The following KRIT1 variants were observed in gnomAD, a reference collection of about 807,000 sequenced individuals.
KRIT1 encodes the protein KRIT1 ankyrin repeat containing.
A neutral mutation model predicts 95.8 loss-of-function variants in KRIT1; 45 were observed. The observed-to-expected ratio is 0.47, with a 90% CI of 0.37 to 0.60. The LOEUF is 0.60. Among genes scored for constraint, KRIT1 ranks in the 20% least tolerant of loss-of-function variants. The pLI, the probability that KRIT1 is intolerant of heterozygous loss-of-function variation, is 0.00. For missense variants in KRIT1, 788 were observed against 877.5 expected, an observed-to-expected ratio of 0.90 and a Z score of 1.29; for synonymous variants, 282 against 278.8, an observed-to-expected ratio of 1.01 and a Z score of -0.11.
chr7:92,214,728 T>G lies in KRIT1; in HGVS notation c.1613A>C (p.Asn538Thr), dbSNP rs1193428749. 6.2e-7 allele frequency: 1 copy of G among 1,607,882 alleles called. No homozygotes were observed. Among genetic ancestry groups the G allele is most frequent in the East Asian group, 2.2e-5 (1 of 44,768 alleles). Reference sequence around the variant, plus strand: ...AGCTGTATAAAAGCCCTTCAATAAATTATATCTGGCTTCATCAAAGAGAAT... The same window carrying G: ...AGCTGTATAAAAGCCCTTCAATAAAGTATATCTGGCTTCATCAAAGAGAAT... ...ILILFDEARYNLLKGFYTAPD... is the reference protein window; with the variant it reads ...ILILFDEARYTLLKGFYTAPD... The change falls in exon 15 of 19, where the codon AAT becomes ACT. Residue 538 changes from asparagine to threonine, a missense_variant. By Grantham distance (65) the Asn-to-Thr change is moderately conservative. This residue lies in a region of KRIT1 where 493 missense variants were observed against 582.3 expected (regional missense o/e 0.85). Transcript: ENST00000394505.
rs771579206 is a variant in KRIT1, at chr7:92,241,037, A to G, written c.218T>C (p.Val73Ala). The G allele has an allele frequency of 5.0e-6, 8 of 1,613,010 alleles. 1 individual carries two copies. The South Asian group carries it at 8.8e-5, about 18-fold the overall frequency. Residue 73 changes from valine to alanine, a missense_variant, in exon 5 of 19, where the codon GTA becomes GCA. Val to Ala is a moderately conservative substitution (Grantham distance 64). This residue lies in a region of KRIT1 where 289 missense variants were observed against 277.5 expected (regional missense o/e 1.04). Transcript: ENST00000394505. ...AGGAGAAATTGGTTTGGTGGTTTCTACTACGTAATCCAATATGCCTTGTGT... is the reference window on the plus strand; with the variant it reads ...AGGAGAAATTGGTTTGGTGGTTTCTGCTACGTAATCCAATATGCCTTGTGT... The part of the protein sequence containing the change: ...EITQGILDYV[V>A]ETTKPISPAN...
At chr7:92,224,469 T>C (rs1165223683) in intron 12 of KRIT1, among the ~76,000 whole-genome samples, 45 of 152,092 alleles carry the variant, frequency 3.0e-4, no homozygotes, top group Non-Finnish European at 1.6e-4. Flanking sequence ...AGACCCTGTC[T>C]CATAAAAATA....
chr7:92,241,105 C>A lies in KRIT1; in HGVS notation c.150G>T (p.Lys50Asn). The change falls in exon 5 of 19, where the codon AAG becomes AAT. Residue 50 changes from lysine (K) to asparagine (N), a missense_variant. By Grantham distance (94) the Lys-to-Asn change is moderately conservative. This residue lies in a region of KRIT1 where 289 missense variants were observed against 277.5 expected (regional missense o/e 1.04). Transcript: ENST00000394505. ...VPIEGQKKKR[K>N]KVLLETKLQG... The stretch of plus-strand genomic sequence containing the variant: ...GAAGTTTCGTTTCCAATAAAACTTT[C>A]TTTCTCTTTTTTTTCTGTCCTTCAA... 1 of 1,611,152 alleles carries A rather than the reference C, an allele frequency of 6.2e-7. No homozygotes were observed. The highest frequency in any genetic ancestry group is 1.1e-5 in the South Asian group (1 of 91,010).
intron 17 of KRIT1, 103 bp from the exon 18 acceptor site, chr7:92,201,526 T>C (rs1790140975): frequency 2.7e-6 from 2 of 740,058 alleles, no homozygotes; most frequent in Non-Finnish European, 4.9e-6. Context: ...ATATAATAGT[T>C]CAGAATGCTT....
chr7:92,242,907 G>A (rs1469958721), intron 3 of KRIT1, among the ~76,000 whole-genome samples: 2 of 152,034 alleles, frequency 1.3e-5, no homozygotes, highest in East Asian at 1.9e-4. Context: ...CTCGCCTCCC[G>A]GGTTCAGGCG....
intron 10 of KRIT1, among the ~76,000 whole-genome samples, chr7:92,227,380 T>TG (rs770705633): frequency 3.3e-5 from 5 of 152,018 alleles, no homozygotes; most frequent in Non-Finnish European, 5.9e-5. Flanking sequence ...CTAACCAACA[T>TG]GGTGAAACCC....
intron 8 of KRIT1, among the ~76,000 whole-genome samples, 200 bp downstream of exon 8, chr7:92,235,203 T>C (rs1282949203): frequency 6.6e-6 from 1 of 152,158 alleles, no homozygotes; most frequent in African/African-American, 2.4e-5. Flanking sequence ...TTTCACCATG[T>C]TGGCCAGGCT....
In KRIT1 at chr7:92,201,320, A is replaced by T; in HGVS notation, c.2129T>A (p.Val710Glu). 1 of 1,446,534 alleles carries T rather than the reference A, an allele frequency of 6.9e-7. No homozygotes were observed. The highest frequency in any genetic ancestry group is 9.7e-7 in the Non-Finnish European group (1 of 1,027,558). 89.6% of individuals were successfully genotyped at this position (1,446,534 alleles called of 1,614,324 possible). Residue 710 changes from valine (V) to glutamate (E), a missense_variant, in exon 18 of 19, where the codon GTA becomes GAA. By Grantham distance (121) the Val-to-Glu change is moderately radical (BLOSUM62 -2). This residue lies in a region of KRIT1 where 493 missense variants were observed against 582.3 expected (regional missense o/e 0.85). Coordinates refer to ENST00000394505, the MANE Select transcript of KRIT1 (RefSeq NM_194454.3). The stretch of plus-strand genomic sequence containing the variant: ...AATGATACTTACCTGTTTTGTATGT[A>T]CTATAAAGCTCATTTTATTTTCCAT... ...HSMENKMSFI[V>E]HTKQAGLVVK...
At chr7:92,206,667 A>G (rs528870779) in intron 17 of KRIT1, 13 of 152,348 alleles carry the variant, frequency 8.5e-5, no homozygotes, top group African/African-American at 3.1e-4. Context: ...AAAAACATTG[A>G]AAAGCAAGAA....
chr7:92,213,999 C>T lies in KRIT1; in HGVS notation c.1731-20G>A. ...TCTTCACTGTAAGCACACATGCCAA[C>T]ATCCTTTAAATAAATCATCTTTAGT... On this transcript the variant is annotated intron_variant, in intron 15 of 18. Coordinates refer to ENST00000394505, the MANE Select transcript of KRIT1 (RefSeq NM_194454.3). 2 of 1,428,896 alleles carry T rather than the reference C, an allele frequency of 1.4e-6. No homozygotes were observed. Among genetic ancestry groups the T allele is most frequent in the Non-Finnish European group, 2.0e-6 (2 of 1,011,448 alleles). 88.5% of individuals were successfully genotyped at this position (1,428,896 alleles called of 1,614,324 possible). A position where few individuals can be genotyped will look rare whatever the true frequency, so the allele number is the denominator to read the frequency against.
chr7:92,234,263 T>C (rs1046549937), intron 10 of KRIT1, among the ~76,000 whole-genome samples, 186 bp downstream of exon 10: 6 of 152,152 alleles, frequency 3.9e-5, no homozygotes, highest in East Asian at 3.8e-4. Flanking sequence ...ACGTTCCCCA[T>C]AGGGCAGACC....
At chr7:92,237,120 G>A (rs922633582) in intron 6 of KRIT1, among the ~76,000 whole-genome samples, 4 of 152,124 alleles carry the variant, frequency 2.6e-5, no homozygotes, top group Admixed American at 6.5e-5. Flanking sequence ...AGATTAAAGA[G>A]GAGATTTGCC....
Position 92,237,608 on chromosome 7 carries a change from T to C in KRIT1, c.355+59A>G, listed in dbSNP as rs3213610. On this transcript the variant is annotated intron_variant, in intron 6 of 18. Transcript: ENST00000394505. ...GAATGCAAATTCTTAACTTCCTCAATAGACCTTTACTTAGCATCTAAAGTA... is the reference window on the plus strand; with the variant it reads ...GAATGCAAATTCTTAACTTCCTCAACAGACCTTTACTTAGCATCTAAAGTA... 12,075 of 945,392 alleles carry C rather than the reference T, an allele frequency of 0.013. 719 individuals are homozygous for C. In the East Asian group the frequency reaches 0.17, roughly 13 times the overall value. 58.6% of individuals were successfully genotyped at this position (945,392 alleles called of 1,614,324 possible).
At chr7:92,241,250 A>G in intron 4 of KRIT1, 98 bp from the exon 5 acceptor site, 1 of 889,160 alleles carries the variant, frequency 1.1e-6, no homozygotes, top group African/African-American at 1.7e-5. Context: ...CTAGCTGCAT[A>G]TTAGAATAAT....
chr7:92,222,012 G>A lies in KRIT1; in HGVS notation c.1453C>T (p.Arg485Cys), dbSNP rs557519259. ...KPYHKPLQHV[R>C]DWPEILAELT... ...TCAGCAAGTATTTCTGGCCAGTCAC[G>A]AACATGTTGCAAGGGTTTATGATAT... is the stretch of plus-strand genomic sequence containing the variant. Residue 485 changes from arginine (R) to cysteine (C), a missense_variant, in exon 14 of 19, where the codon CGT becomes TGT. Transcript: ENST00000394505. 1.9e-5 allele frequency: 30 copies of A among 1,613,192 alleles called. No homozygotes were observed. The highest frequency in any genetic ancestry group is 3.3e-5 in the South Asian group (3 of 91,058).
intron 3 of KRIT1, among the ~76,000 whole-genome samples, chr7:92,243,328 ATTATTTT>A (rs1461718532): frequency 6.6e-6 from 1 of 152,142 alleles, no homozygotes; most frequent in African/African-American, 2.4e-5. Context: ...TTCTGTACTG[ATTATTTT>A]TTATCTTTTT....
chr7:92,205,337 ACTCAT>A (rs1160979746), intron 17 of KRIT1, among the ~76,000 whole-genome samples: 2 of 151,836 alleles, frequency 1.3e-5, no homozygotes, highest in Non-Finnish European at 2.9e-5. Flanking sequence ...CAAAAGCGAA[ACTCAT>A]CTCAACAACA....
rs561230868 is a variant in KRIT1, at chr7:92,217,830, C to A, written c.1564-3053G>T. On this transcript the variant is annotated intron_variant, in intron 14 of 18. Coordinates refer to ENST00000394505, the MANE Select transcript of KRIT1 (RefSeq NM_194454.3). ...ATTCTATTTTTAGATTTTTGAAGAA[C>A]CACTGTTTTCCACAGTGGCTGCACC... is the stretch of plus-strand genomic sequence containing the variant. Among the ~76,000 whole-genome samples the A allele has an allele frequency of 8.5e-5, 13 of 152,188 alleles. No individual in the cohort carries two copies. The East Asian group carries it at 2.5e-3, about 29-fold the overall frequency.
At chr7:92,203,560 T>C (rs1790697918) in intron 17 of KRIT1, among the ~76,000 whole-genome samples, 1 of 152,258 alleles carries the variant, frequency 6.6e-6, no homozygotes, top group Non-Finnish European at 1.5e-5. Flanking sequence ...GTCATCCTTC[T>C]GTCTGTTACT....
Sources: allele counts gnomAD v4.1 joint callset (sites outside exome capture counted in the v4.1 genomes callset), GRCh38; gene constraint gnomAD v4.1.1; regional missense constraint gnomAD v4.1.1; transcripts MANE v1.5; gene names NCBI Gene and HGNC (gene_info 2026-07-23, HGNC 2026-07-21).